ST3GAL4: variants seen among roughly 807,000 people sequenced by gnomAD.
ST3GAL4 encodes ST3 beta-galactoside alpha-2,3-sialyltransferase 4.
ST3GAL4 carries 24 observed loss-of-function variants against 42.6 expected under a neutral mutation model. The ratio of observed to expected loss-of-function variants is 0.56; its 90% CI spans 0.41 to 0.79. The LOEUF is 0.79. Among genes scored for constraint, ST3GAL4 ranks in the 30% least tolerant of loss-of-function variants. The probability of loss-of-function intolerance (pLI) is 0.00; values close to 1 mark genes in which losing one functional copy is unlikely to be tolerated. For synonymous variants in ST3GAL4, 135 were observed against 163.2 expected, an observed-to-expected ratio of 0.83 and a Z score of 1.32; for missense variants, 311 against 430.8, an observed-to-expected ratio of 0.72 and a Z score of 2.46.
chr11:126,359,742 TCCTTCCC>T lies in ST3GAL4; in HGVS notation c.-61+3901_-61+3907del, dbSNP rs1952183571. ...AGGTTCTTCTCCCTCCCTCCTTCCC[TCCTTCCC>T]TCCTTCCCTCCTTCCCCGTGGGCCC... On this transcript the variant is annotated intron_variant, in intron 1 of 10. Coordinates refer to ENST00000444328, the MANE Select transcript of ST3GAL4 (RefSeq NM_001254757.2). The surrounding 1 kb of genome is among the most constrained non-coding windows in gnomAD (Gnocchi z 4.8). Among the ~76,000 whole-genome samples, 1 of 151,856 alleles carries T rather than the reference TCCTTCCC, an allele frequency of 6.6e-6. No homozygotes were observed. Among genetic ancestry groups the T allele is most frequent in the African/African-American group, 2.4e-5 (1 of 41,298 alleles).
At position 126,392,743 on chromosome 11, in the gene ST3GAL4, A is replaced by G. The variant is rs10790800; in HGVS notation, c.-60-13353A>G. On this transcript the variant is annotated intron_variant, in intron 1 of 10. Coordinates refer to ENST00000444328, the MANE Select transcript of ST3GAL4 (RefSeq NM_001254757.2). The surrounding 1 kb of genome is among the most constrained non-coding windows in gnomAD (Gnocchi z 5.8). Reference sequence around the variant, plus strand: ...GTGCGTGGTCTAATTGGTACTTGGGACAGTGTGGTTTAACTGCCACAAAGT... The same window carrying G: ...GTGCGTGGTCTAATTGGTACTTGGGGCAGTGTGGTTTAACTGCCACAAAGT... Among the ~76,000 whole-genome samples the G allele has an allele frequency of 0.36, 54,825 of 152,012 alleles. 11,000 individuals are homozygous for G. The highest frequency in any genetic ancestry group is 0.53 in the African/African-American group (22,028 of 41,396).
chr11:126,389,644 A>G (rs1953392914), intron 1 of ST3GAL4, among the ~76,000 whole-genome samples: 1 of 152,082 alleles, frequency 6.6e-6, no homozygotes, highest in African/African-American at 2.4e-5. Flanking sequence ...GCTCGCTGCA[A>G]CCTCTCATCT....
At chr11:126,360,603 T>G (rs1396566164) in intron 1 of ST3GAL4, among the ~76,000 whole-genome samples, 2 of 152,180 alleles carry the variant, frequency 1.3e-5, no homozygotes, top group Admixed American at 6.5e-5. Flanking sequence ...TTTGTACTTT[T>G]AGTAGAGACA....
At chr11:126,356,659 GGAGTGTAGGCA>G (rs145519276) in intron 1 of ST3GAL4, among the ~76,000 whole-genome samples, 16,147 of 152,282 alleles carry the variant, frequency 0.11, 1,019 homozygotes, top group African/African-American at 0.18. Context: ...CAGAAGGCTG[GGAGTGTAGGCA>G]GTGTTCGGGT....
At position 126,376,370 on chromosome 11, in the gene ST3GAL4, A is replaced by G. The variant is rs1021217352; in HGVS notation, c.-61+20528A>G. 6.6e-6 allele frequency among the ~76,000 whole-genome samples: 1 copy of G among 152,250 alleles called. No individual in the cohort carries two copies. Among genetic ancestry groups the G allele is most frequent in the Non-Finnish European group, 1.5e-5 (1 of 68,042 alleles). On this transcript the variant is annotated intron_variant, in intron 1 of 10. Coordinates refer to ENST00000444328, the MANE Select transcript of ST3GAL4 (RefSeq NM_001254757.2). This position sits in a 1 kb window ranked among gnomAD's most constrained non-coding sequence, Gnocchi z 5.1. Reference sequence around the variant, plus strand: ...AAACCGAAAGAGGTTTAGTGGCCCAATGACAGTTTCAGAGGCAGGTGTTTG... The same window carrying G: ...AAACCGAAAGAGGTTTAGTGGCCCAGTGACAGTTTCAGAGGCAGGTGTTTG...
intron 1 of ST3GAL4, among the ~76,000 whole-genome samples, chr11:126,358,110 A>G (rs1477712180): frequency 1.3e-5 from 2 of 152,178 alleles, no homozygotes; most frequent in Admixed American, 1.3e-4. Flanking sequence ...CCCCTCGGAG[A>G]TGGACCTTAG....
Position 126,392,327 on chromosome 11 carries a change from C to T in ST3GAL4, c.-60-13769C>T. ...CAGAGTTTACTGTCGGACATCAGTT[C>T]TGATATGGTGCAGCAGACATGGAGC... On this transcript the variant is annotated intron_variant, in intron 1 of 10. Transcript: ENST00000444328. The surrounding 1 kb of genome is among the most constrained non-coding windows in gnomAD (Gnocchi z 5.8). 1 of 985,864 alleles carries T rather than the reference C, an allele frequency of 1.0e-6. No homozygotes were observed. Among genetic ancestry groups the T allele is most frequent in the Non-Finnish European group, 1.2e-6 (1 of 829,956 alleles). 61.1% of individuals were successfully genotyped at this position (985,864 alleles called of 1,614,324 possible). A position where few individuals can be genotyped will look rare whatever the true frequency, so the allele number is the denominator to read the frequency against.
chr11:126,385,858 C>T (rs1465822593), intron 1 of ST3GAL4, among the ~76,000 whole-genome samples: 2 of 151,040 alleles, frequency 1.3e-5, no homozygotes, highest in East Asian at 3.9e-4. Context: ...AAAAAAAAAG[C>T]GAATCCAGTG....
intron 1 of ST3GAL4, among the ~76,000 whole-genome samples, chr11:126,362,381 G>A (rs1256134086): frequency 6.6e-6 from 1 of 151,488 alleles, no homozygotes; most frequent in African/African-American, 2.4e-5. Context: ...TGTATTTTTA[G>A]TAGAGATGGG....
rs1952915198 is a variant in ST3GAL4 at position 126,379,145 on chromosome 11, C to G, written c.-61+23303C>G. On this transcript the variant is annotated intron_variant, in intron 1 of 10. Coordinates refer to ENST00000444328, the MANE Select transcript of ST3GAL4 (RefSeq NM_001254757.2). This position sits in a 1 kb window ranked among gnomAD's most constrained non-coding sequence, Gnocchi z 4.2. ...ACGCCATTTTCCTGAATTGCTCACT[C>G]AAGTGTGTATGGGAGCAGGTTCTAA... Among the ~76,000 whole-genome samples, 2 of 152,200 alleles carry G rather than the reference C, an allele frequency of 1.3e-5. No homozygotes were observed. The highest frequency in any genetic ancestry group is 1.3e-4 in the Admixed American group (2 of 15,282).
In ST3GAL4 at chr11:126,407,271, A is replaced by G; in HGVS notation, c.202A>G (p.Ile68Val). The G allele has an allele frequency of 1.2e-6, 2 of 1,614,216 alleles. No individual in the cohort carries two copies. The highest frequency in any genetic ancestry group is 1.7e-6 in the Non-Finnish European group (2 of 1,180,030). The change falls in exon 5 of 11, where the codon ATC becomes GTC. Residue 68 changes from isoleucine to valine, a missense_variant. Coordinates refer to ENST00000444328, the MANE Select transcript of ST3GAL4 (RefSeq NM_001254757.2). ...GTGCAGCTACTCCCGGGATCAGCCC[A>G]TCTTCCTGCGGCTTGAGGATTATTT... ...LFGNYSRDQP[I>V]FLRLEDYFWV...
intron 1 of ST3GAL4, among the ~76,000 whole-genome samples, chr11:126,356,828 A>C (rs1376511329): frequency 2.6e-5 from 4 of 152,148 alleles, no homozygotes; most frequent in African/African-American, 9.7e-5. Flanking sequence ...GAACTTTGGG[A>C]ACAGGCCTGG....
intron 1 of ST3GAL4, among the ~76,000 whole-genome samples, chr11:126,370,677 CTT>C (rs763709200): frequency 6.9e-6 from 1 of 144,132 alleles, no homozygotes; most frequent in Middle Eastern, 3.5e-3. Flanking sequence ...ATCTCCATTC[CTT>C]TTTTTTTTTT....
At chr11:126,413,406 G>A in intron 9 of ST3GAL4, 99 bp from the exon 10 acceptor site, 2 of 1,476,232 alleles carry the variant, frequency 1.4e-6, no homozygotes, top group Non-Finnish European at 1.8e-6. Context: ...GATGGAGAAC[G>A]TTTCCGTGAC....
chr11:126,366,180 T>C lies in ST3GAL4; in HGVS notation c.-61+10338T>C, dbSNP rs1461459937. On this transcript the variant is annotated intron_variant, in intron 1 of 10. Coordinates refer to ENST00000444328, the MANE Select transcript of ST3GAL4 (RefSeq NM_001254757.2). This position sits in a 1 kb window ranked among gnomAD's most constrained non-coding sequence, Gnocchi z 4.2. ...GGGACCTGCAAGCTGACAAACAAAG[T>C]CTATACGAGCCAGAGCTGGGGTGGG... Among the ~76,000 whole-genome samples, 1 of 152,010 alleles carries C rather than the reference T, an allele frequency of 6.6e-6. No individual in the cohort carries two copies. The highest frequency in any genetic ancestry group is 1.9e-4 in the East Asian group (1 of 5,170).
chr11:126,371,399 A>G (rs1361642791), intron 1 of ST3GAL4, among the ~76,000 whole-genome samples: 1 of 151,088 alleles, frequency 6.6e-6, no homozygotes. Context: ...TCCTGACCTC[A>G]TGATCCGCCC....
In ST3GAL4 at chr11:126,406,493, T is replaced by G. The variant is rs748774231; in HGVS notation, c.37T>G (p.Leu13Val). The stretch of plus-strand genomic sequence containing the variant: ...TGCAGGCTGGAAGCTCCTGGCCATG[T>G]TGGCTCTGGTCCTGGTCGTCATGGT... ...SKSRWKLLAM[L>V]ALVLVVMVWY... Residue 13 changes from leucine to valine, a missense_variant, in exon 3 of 11, where the codon TTG (leucine) becomes GTG (valine). By Grantham distance (32) the Leu-to-Val change is conservative (BLOSUM62 1). Coordinates refer to ENST00000444328, the MANE Select transcript of ST3GAL4 (RefSeq NM_001254757.2). This position sits in a 1 kb window ranked among gnomAD's most constrained non-coding sequence, Gnocchi z 5.4. 9 of 1,614,086 alleles carry G rather than the reference T, an allele frequency of 5.6e-6. No homozygotes were observed. The highest frequency in any genetic ancestry group is 6.8e-6 in the Non-Finnish European group (8 of 1,180,038).
chr11:126,370,185 G>A (rs1254765695), intron 1 of ST3GAL4, among the ~76,000 whole-genome samples: 1 of 152,176 alleles, frequency 6.6e-6, no homozygotes, highest in Non-Finnish European at 1.5e-5. Context: ...CCGGGGTAAA[G>A]GGTATTTTGA....
chr11:126,360,878 C>T (rs1170059479), intron 1 of ST3GAL4, among the ~76,000 whole-genome samples: 1 of 152,244 alleles, frequency 6.6e-6, no homozygotes, highest in Non-Finnish European at 1.5e-5. Context: ...GCTTCCTCCT[C>T]CCAGGGCAAA....
Sources: gnomAD v4.1 joint callset for allele counts (sites outside exome capture counted in the v4.1 genomes callset) on GRCh38, gnomAD v4.1.1 for gene constraint, Gnocchi (gnomAD v3.1) non-coding constraint, MANE v1.5 for transcripts, NCBI Gene and HGNC (gene_info 2026-07-23, HGNC 2026-07-21) for gene names.